The following LIX1 variants were observed in gnomAD, a reference collection of about 807,000 sequenced individuals.
LIX1 encodes protein limb expression 1 homolog.
Under a neutral mutation model 33.4 loss-of-function variants are expected in LIX1, and 24 were observed. The observed-to-expected ratio is 0.72, with a 90% confidence interval of 0.52 to 1.01. LIX1 has a LOEUF of 1.01. LIX1 is among the 50% of genes least tolerant of loss of function. LIX1 has a pLI of 0.00. For missense variants in LIX1, 311 were observed against 339.2 expected (o/e 0.92, Z 0.65); for synonymous variants, 124 against 124.0 (o/e 1.00, Z 0.00).
chr5:97,109,203 T>C (rs2112769422), intron 2 of LIX1, among the ~76,000 whole-genome samples: 1 of 152,280 alleles, frequency 6.6e-6, no homozygotes, highest in East Asian at 1.9e-4. Context: ...TCCTTGACTA[T>C]GGGTAACTTC....
In LIX1 at chr5:97,094,203, A is replaced by G. The variant is rs1357304425; in HGVS notation, c.*545T>C. 1 of 152,028 alleles carries G rather than the reference A, an allele frequency of 6.6e-6. No individual in the cohort carries two copies. The highest frequency in any genetic ancestry group is 1.5e-5 in the Non-Finnish European group (1 of 68,030). 9.4% of individuals were successfully genotyped at this position (152,028 alleles called of 1,614,324 possible). A position where few individuals can be genotyped will look rare whatever the true frequency, so the allele number is the denominator to read the frequency against. On this transcript the variant is annotated 3_prime_UTR_variant, in exon 6 of 6. Coordinates refer to ENST00000274382, the MANE Select transcript of LIX1 (RefSeq NM_153234.5). Reference sequence around the variant, plus strand: ...CAAGATCTTTGATGGTGGGATGTCCAGATAAAATCCCCACTGTAGTTTGCA... The same window carrying G: ...CAAGATCTTTGATGGTGGGATGTCCGGATAAAATCCCCACTGTAGTTTGCA...
At chr5:97,126,077 C>T (rs961498427) in intron 1 of LIX1, among the ~76,000 whole-genome samples, 1 of 152,208 alleles carries the variant, frequency 6.6e-6, no homozygotes, top group Admixed American at 6.5e-5. Flanking sequence ...CCTGCTTTTT[C>T]CTTAAGCCAT....
chr5:97,141,165 C>T (rs1013192370), intron 1 of LIX1, among the ~76,000 whole-genome samples: 1 of 152,082 alleles, frequency 6.6e-6, no homozygotes, highest in East Asian at 1.9e-4. Flanking sequence ...AAATGCTCAG[C>T]ATAAGAACCC....
intron 2 of LIX1, among the ~76,000 whole-genome samples, chr5:97,121,127 T>A (rs1747774295): frequency 6.6e-6 from 1 of 152,184 alleles, no homozygotes; most frequent in Admixed American, 6.5e-5. Flanking sequence ...TAATGCCCCC[T>A]GAAGTTTCCC....
chr5:97,126,890 G>A (rs1011383782), intron 1 of LIX1, among the ~76,000 whole-genome samples: 11 of 151,830 alleles, frequency 7.2e-5, no homozygotes, highest in African/African-American at 2.2e-4. Flanking sequence ...CGCCCATCTC[G>A]GCCTCCCAAA....
chr5:97,138,138 A>G (rs993601763), intron 1 of LIX1, among the ~76,000 whole-genome samples: 1 of 152,166 alleles, frequency 6.6e-6, no homozygotes, highest in Admixed American at 6.5e-5. Flanking sequence ...TTTGCTTCCA[A>G]TTTTTCAACG....
chr5:97,119,045 A>T (rs759661782), intron 2 of LIX1, among the ~76,000 whole-genome samples: 1 of 152,218 alleles, frequency 6.6e-6, no homozygotes, highest in Non-Finnish European at 1.5e-5. Context: ...GTTCAGTCTG[A>T]ATACTACTTT....
chr5:97,125,086 A>C (rs1747884981), intron 1 of LIX1, among the ~76,000 whole-genome samples: 2 of 152,240 alleles, frequency 1.3e-5, no homozygotes, highest in African/African-American at 4.8e-5. Context: ...AGATTTAAGA[A>C]GAGAAAGTCA....
intron 2 of LIX1, among the ~76,000 whole-genome samples, chr5:97,120,730 G>A (rs188025022): frequency 2.4e-4 from 36 of 152,230 alleles, no homozygotes; most frequent in African/African-American, 6.7e-4. Context: ...AAACTGGAAG[G>A]GAAAGTTGGA....
rs528631608 is a variant in LIX1, at chr5:97,106,597, C to T, written c.387+763G>A. ...TTCCTGCCCTTGAGCACACACAGGG[C>T]GATACTTGCCACAGGTGGGGACTGA... On this transcript the variant is annotated intron_variant, in intron 3 of 5. Coordinates refer to ENST00000274382, the MANE Select transcript of LIX1 (RefSeq NM_153234.5). Among the ~76,000 whole-genome samples the T allele has an allele frequency of 5.9e-5, 9 of 152,206 alleles. No homozygotes were observed. The South Asian group carries it at 1.7e-3, about 28-fold the overall frequency.
At chr5:97,113,171 A>G (rs1039854101) in intron 2 of LIX1, among the ~76,000 whole-genome samples, 29 of 152,330 alleles carry the variant, frequency 1.9e-4, no homozygotes, top group African/African-American at 7.0e-4. Flanking sequence ...GCCTTCTGCC[A>G]GCAGCCATCT....
chr5:97,114,097 A>T (rs1449643935), intron 2 of LIX1, among the ~76,000 whole-genome samples: 1 of 152,184 alleles, frequency 6.6e-6, no homozygotes, highest in Non-Finnish European at 1.5e-5. Flanking sequence ...AACCTTAAGT[A>T]CTCTCTTGAT....
chr5:97,142,284 A>T (rs1748306360), intron 1 of LIX1, among the ~76,000 whole-genome samples: 1 of 152,204 alleles, frequency 6.6e-6, no homozygotes, highest in Non-Finnish European at 1.5e-5. Flanking sequence ...AGTTAGCAAG[A>T]TGTATCACTG....
Position 97,094,804 on chromosome 5 carries a change from T to G in LIX1, c.793A>C (p.Thr265Pro), listed in dbSNP as rs1228440777. 1 of 1,614,152 alleles carries G rather than the reference T, an allele frequency of 6.2e-7. No homozygotes were observed. Among genetic ancestry groups the G allele is most frequent in the East Asian group, 2.2e-5 (1 of 44,884 alleles). Residue 265 changes from threonine (T) to proline (P), a missense_variant, in exon 6 of 6, where the codon ACT (threonine) becomes CCT (proline). Thr to Pro is a conservative substitution (Grantham distance 38). Transcript: ENST00000274382. ...ALTQICSDPD[T>P]SSPSDDQLSL... ...AGCTGATCATCACTGGGTGAGGAAGTGTCAGGGTCACTGCAGATCTGAGTC... is the reference window on the plus strand; with the variant it reads ...AGCTGATCATCACTGGGTGAGGAAGGGTCAGGGTCACTGCAGATCTGAGTC...
At chr5:97,121,727 G>A (rs1747789306) in intron 2 of LIX1, among the ~76,000 whole-genome samples, 1 of 151,928 alleles carries the variant, frequency 6.6e-6, no homozygotes, top group East Asian at 1.9e-4. Flanking sequence ...TCTTTTGTTT[G>A]CTTGCCTTTG....
chr5:97,100,767 C>T (rs1746651339), intron 4 of LIX1, among the ~76,000 whole-genome samples: 1 of 151,934 alleles, frequency 6.6e-6, no homozygotes, highest in African/African-American at 2.4e-5. Context: ...CCTGGAGAAG[C>T]TCTGTTACTC....
At chr5:97,133,060 T>C (rs1748091924) in intron 1 of LIX1, among the ~76,000 whole-genome samples, 1 of 152,236 alleles carries the variant, frequency 6.6e-6, no homozygotes, top group South Asian at 2.1e-4. Flanking sequence ...AATAAGCATA[T>C]ATGATCTATG....
chr5:97,107,529 T>C (rs770656318), intron 2 of LIX1, 29 bp from the exon 3 acceptor site: 41 of 1,612,624 alleles, frequency 2.5e-5, no homozygotes, highest in Admixed American at 3.3e-5. Context: ...AAAGGAGTCA[T>C]TTGAGAATTT....
At chr5:97,121,124 C>T (rs1212064938) in intron 2 of LIX1, among the ~76,000 whole-genome samples, 2 of 152,074 alleles carry the variant, frequency 1.3e-5, no homozygotes, top group Non-Finnish European at 2.9e-5. Flanking sequence ...AGCTAATGCC[C>T]CCTGAAGTTT....
Sources: allele counts gnomAD v4.1 joint callset (sites outside exome capture counted in the v4.1 genomes callset), GRCh38; gene constraint gnomAD v4.1.1; transcripts MANE v1.5; gene names NCBI Gene and HGNC (gene_info 2026-07-23, HGNC 2026-07-21).